AKT3: variants seen among roughly 807,000 people sequenced by gnomAD.
AKT3 encodes RAC-gamma serine/threonine-protein kinase.
Under a neutral mutation model 65.3 loss-of-function variants are expected in AKT3, and 15 were observed. That is an observed-to-expected ratio of 0.23 (90% CI 0.15 to 0.35). The LOEUF is 0.35. AKT3 is among the 10% of genes least tolerant of loss of function. AKT3 has a pLI of 1.00. For synonymous variants in AKT3, 206 were observed against 183.8 expected (o/e 1.12, Z -0.98); for missense variants, 243 against 576.5 (o/e 0.42, Z 5.92).
At chr1:243,761,375 C>T (rs1689481540) in intron 2 of AKT3, among the ~76,000 whole-genome samples, 1 of 152,086 alleles carries the variant, frequency 6.6e-6, no homozygotes, top group African/African-American at 2.4e-5. Flanking sequence ...TGCTTATCTT[C>T]AGTGAGTAAA....
At chr1:243,644,426 C>T (rs939808426) in intron 5 of AKT3, among the ~76,000 whole-genome samples, 1 of 151,996 alleles carries the variant, frequency 6.6e-6, no homozygotes, top group African/African-American at 2.4e-5. Context: ...TGGCTCCCAC[C>T]CTGTGTGTAA....
chr1:243,646,150 A>G, intron 4 of AKT3, 113 bp from the exon 5 acceptor site: 1 of 881,722 alleles, frequency 1.1e-6, no homozygotes, highest in Non-Finnish European at 1.7e-6. Context: ...GATCAAACAC[A>G]CTCAACACAG....
At chr1:243,508,365 T>G (rs1221953120) in intron 13 of AKT3, among the ~76,000 whole-genome samples, 2 of 152,252 alleles carry the variant, frequency 1.3e-5, no homozygotes, top group Non-Finnish European at 2.9e-5. Flanking sequence ...CGCTGCGCTC[T>G]GCTGAGCCAC....
intron 8 of AKT3, among the ~76,000 whole-genome samples, chr1:243,603,469 C>G (rs1677164050): frequency 6.6e-6 from 1 of 152,126 alleles, no homozygotes; most frequent in Admixed American, 6.5e-5. Context: ...TTCTCTCTGC[C>G]TCTACACCTG....
chr1:243,517,929 A>G (rs1670467199), intron 12 of AKT3, among the ~76,000 whole-genome samples: 1 of 152,258 alleles, frequency 6.6e-6, no homozygotes, highest in Admixed American at 6.5e-5. Context: ...GTAGCATTCA[A>G]CAATATTTGC....
At chr1:243,632,967 C>G (rs1679715536) in intron 6 of AKT3, among the ~76,000 whole-genome samples, 1 of 152,152 alleles carries the variant, frequency 6.6e-6, no homozygotes, top group South Asian at 2.1e-4. Context: ...GAACTTCTAT[C>G]AAGACCACTC....
Position 243,503,482 on chromosome 1 carries a change from A to T in AKT3, c.*1767T>A, listed in dbSNP as rs549605049. On this transcript the variant is annotated 3_prime_UTR_variant, in exon 14 of 14. Coordinates refer to ENST00000673466, the MANE Select transcript of AKT3 (RefSeq NM_005465.7). ...AGTTTAACTAAAATACATTTCCATG[A>T]TCACTCCGCGGAGTAGGATGGCCTT... 5 of 233,518 alleles carry T rather than the reference A, an allele frequency of 2.1e-5. No homozygotes were observed. Among genetic ancestry groups the T allele is most frequent in the Admixed American group, 1.1e-4 (2 of 17,788 alleles). The allele number at this position is 233,518 out of a possible 1,614,324, so 14.5% of individuals were successfully genotyped here. A position where few individuals can be genotyped will look rare whatever the true frequency, so the allele number is the denominator to read the frequency against.
In AKT3 at chr1:243,642,247, A is replaced by G. The variant is rs1378227294; in HGVS notation, c.429+3646T>C. 2.6e-5 allele frequency among the ~76,000 whole-genome samples: 4 copies of G among 152,240 alleles called. No individual in the cohort carries two copies. In the South Asian group the frequency reaches 6.2e-4, roughly 24 times the overall value. On this transcript the variant is annotated intron_variant, in intron 5 of 13. Transcript: ENST00000673466. ...AGTCTTTACAAATGAAATGTACACT[A>G]TTACAAAATGTTTTGGTCTTCTGGA...
At position 243,510,392 on chromosome 1, in the gene AKT3, T is replaced by TA. The variant is rs1419192573; in HGVS notation, c.1354+1931dup. 5.3e-5 allele frequency among the ~76,000 whole-genome samples: 8 copies of TA among 152,060 alleles called. No homozygotes were observed. In the South Asian group the frequency reaches 1.7e-3, roughly 32 times the overall value. ...ACCCACTGCATGTTAGTGGCGGAAA[T>TA]AGACACTAACCAAACAAACAGAAAA... On this transcript the variant is annotated intron_variant, in intron 13 of 13. Transcript: ENST00000673466.
At chr1:243,648,183 A>AGGAAATGGAGGTTGCAGTGAGCTG (rs1680989719) in intron 4 of AKT3, among the ~76,000 whole-genome samples, 1 of 151,972 alleles carries the variant, frequency 6.6e-6, no homozygotes, top group Admixed American at 6.6e-5. Flanking sequence ...ACTTGAACCC[A>AGGAAATGGAGGTTGCAGTGAGCTG]GGAAATGGAG....
In AKT3 at chr1:243,664,666, TA is replaced by T. The variant is rs960160856; in HGVS notation, c.284+105del. 25 of 385,158 alleles carry T rather than the reference TA, an allele frequency of 6.5e-5. No individual in the cohort carries two copies. The Admixed American group carries it at 7.6e-4, about 12-fold the overall frequency. The allele number at this position is 385,158 out of a possible 1,614,324, so 23.9% of individuals were successfully genotyped here. A position where few individuals can be genotyped will look rare whatever the true frequency, so the allele number is the denominator to read the frequency against. ...GCAAGAATTTAGAGACTATAGCATT[TA>T]AAAAAATATATTTATATATATTTAC... On this transcript the variant is annotated intron_variant, in intron 4 of 13. Coordinates refer to ENST00000673466, the MANE Select transcript of AKT3 (RefSeq NM_005465.7).
At chr1:243,645,449 T>C (rs976338977) in intron 5 of AKT3, among the ~76,000 whole-genome samples, 3 of 152,200 alleles carry the variant, frequency 2.0e-5, no homozygotes, top group Admixed American at 2.0e-4. Context: ...GTTTCCAAGA[T>C]TGTTCACTTT....
At chr1:243,756,660 C>T (rs1214463204) in intron 2 of AKT3, among the ~76,000 whole-genome samples, 2 of 152,196 alleles carry the variant, frequency 1.3e-5, no homozygotes, top group Non-Finnish European at 2.9e-5. Flanking sequence ...AAAGTCACCA[C>T]TTGACATTCA....
chr1:243,716,801 CT>C (rs763448655), intron 2 of AKT3, among the ~76,000 whole-genome samples: 39 of 152,302 alleles, frequency 2.6e-4, no homozygotes, highest in African/African-American at 7.9e-4. Flanking sequence ...ATATTTACCC[CT>C]GATACTTGTC....
chr1:243,743,545 C>A (rs1558771022), intron 2 of AKT3, among the ~76,000 whole-genome samples: 1 of 152,136 alleles, frequency 6.6e-6, no homozygotes, highest in Non-Finnish European at 1.5e-5. Flanking sequence ...CAGAGATAGA[C>A]TGAATGATTA....
intron 10 of AKT3, among the ~76,000 whole-genome samples, chr1:243,556,434 G>A (rs1349011558): frequency 6.6e-6 from 1 of 151,982 alleles, no homozygotes. Flanking sequence ...TGTTTACCAG[G>A]AGGATTTACT....
chr1:243,591,826 A>AG (rs1491471198), intron 8 of AKT3, among the ~76,000 whole-genome samples: 1 of 152,116 alleles, frequency 6.6e-6, no homozygotes, highest in African/African-American at 2.4e-5. Context: ...TTAAAGACAC[A>AG]GGGGGAAAAA....
At chr1:243,790,054 T>C (rs1483156704) in intron 2 of AKT3, among the ~76,000 whole-genome samples, 1 of 152,180 alleles carries the variant, frequency 6.6e-6, no homozygotes, top group African/African-American at 2.4e-5. Context: ...TTTACCATAA[T>C]TCTTAAGGGT....
chr1:243,545,697 A>C (rs1251847054), intron 11 of AKT3, 100 bp from the exon 12 acceptor site: 11 of 829,480 alleles, frequency 1.3e-5, no homozygotes, highest in African/African-American at 6.9e-5. Flanking sequence ...CTGTGTAATA[A>C]ACAGTTCTTG....
Sources: allele counts gnomAD v4.1 joint callset (sites outside exome capture counted in the v4.1 genomes callset), GRCh38; gene constraint gnomAD v4.1.1; transcripts MANE v1.5; gene names NCBI Gene and HGNC (gene_info 2026-07-23, HGNC 2026-07-21).